Variants in ACVR1 observed in about 807,000 individuals in gnomAD.
The protein encoded by ACVR1 is activin receptor type-1.
ACVR1 carries 38 observed loss-of-function variants against 57.1 expected under a neutral mutation model. That is an observed-to-expected ratio of 0.67 (90% CI 0.51 to 0.87). ACVR1 has a LOEUF of 0.87. Ranked by LOEUF, ACVR1 falls within the 40% of genes least tolerant of loss-of-function variation. The pLI is 0.00. For missense variants in ACVR1, 463 were observed against 638.2 expected (o/e 0.73, Z 2.96); for synonymous variants, 212 against 228.1 (o/e 0.93, Z 0.63).
intron 1 of ACVR1, among the ~76,000 whole-genome samples, chr2:157,824,590 G>GA (rs1688273128): frequency 6.6e-6 from 1 of 152,114 alleles, no homozygotes; most frequent in African/African-American, 2.4e-5. Context: ...TGGTGACTTA[G>GA]AAAAAATCCA....
At chr2:157,787,922 C>T (rs1686772271) in intron 3 of ACVR1, among the ~76,000 whole-genome samples, 1 of 152,168 alleles carries the variant, frequency 6.6e-6, no homozygotes, top group Non-Finnish European at 1.5e-5. Flanking sequence ...GATTCATGGA[C>T]TGGGCCTCCT....
At chr2:157,784,825 C>T (rs1175605250) in intron 3 of ACVR1, among the ~76,000 whole-genome samples, 5 of 152,238 alleles carry the variant, frequency 3.3e-5, no homozygotes, top group African/African-American at 1.2e-4. Context: ...ACACCTCCTC[C>T]GAGTCTAATG....
intron 1 of ACVR1, among the ~76,000 whole-genome samples, chr2:157,835,086 T>C (rs1425619717): frequency 1.3e-5 from 2 of 152,112 alleles, no homozygotes; most frequent in Admixed American, 6.6e-5. Flanking sequence ...AAACAATCCA[T>C]ATAGACTAAA....
chr2:157,789,150 C>A (rs1165075399), intron 3 of ACVR1, among the ~76,000 whole-genome samples: 1 of 152,188 alleles, frequency 6.6e-6, no homozygotes, highest in Non-Finnish European at 1.5e-5. Context: ...AAATTTGAGT[C>A]ATTTTGAGCT....
At chr2:157,829,402 A>G (rs557518798) in intron 1 of ACVR1, among the ~76,000 whole-genome samples, 13 of 152,184 alleles carry the variant, frequency 8.5e-5, no homozygotes, top group African/African-American at 2.4e-4. Flanking sequence ...CAGTGGCCCA[A>G]CTGACTCCTT....
intron 1 of ACVR1, among the ~76,000 whole-genome samples, chr2:157,872,461 A>G (rs1690142073): frequency 6.6e-6 from 1 of 152,212 alleles, no homozygotes; most frequent in African/African-American, 2.4e-5. Flanking sequence ...TGCTAGCTTC[A>G]GCCCAGCCTG....
intron 1 of ACVR1, among the ~76,000 whole-genome samples, chr2:157,848,757 C>T (rs1261939241): frequency 1.3e-5 from 2 of 152,132 alleles, no homozygotes; most frequent in African/African-American, 2.4e-5. Flanking sequence ...TCAACCTAAG[C>T]AGTTTAATAT....
chr2:157,871,203 G>C (rs903726835), intron 1 of ACVR1, among the ~76,000 whole-genome samples: 8 of 152,188 alleles, frequency 5.3e-5, no homozygotes, highest in African/African-American at 1.9e-4. Flanking sequence ...CCCTCAAAGA[G>C]ATCAATCACA....
chr2:157,842,615 G>A lies in ACVR1; in HGVS notation c.-182-24056C>T, dbSNP rs879933107. 3.3e-5 allele frequency among the ~76,000 whole-genome samples: 5 copies of A among 152,106 alleles called. No homozygotes were observed. The East Asian group carries it at 9.6e-4, about 29-fold the overall frequency. On this transcript the variant is annotated intron_variant, in intron 1 of 10. Transcript: ENST00000434821. ...AGTATGAACACACGACCCTGCATAA[G>A]GAACTCTTCAACTCATGAATCAATG...
chr2:157,818,010 A>AC (rs1462121209), intron 2 of ACVR1, among the ~76,000 whole-genome samples: 2 of 151,804 alleles, frequency 1.3e-5, no homozygotes, highest in Non-Finnish European at 2.9e-5. Context: ...TCAAAAAAAA[A>AC]AAAAACAAAA....
chr2:157,796,515 T>C (rs1687130795), intron 3 of ACVR1, among the ~76,000 whole-genome samples: 1 of 151,766 alleles, frequency 6.6e-6, no homozygotes. Flanking sequence ...TATCACACCA[T>C]TGCACCCCAA....
At position 157,855,269 on chromosome 2, in the gene ACVR1, A is replaced by AGT. The variant is rs532193935; in HGVS notation, c.-183+20525_-183+20526dup. ...TCGTCTCTTAAAAAAAAAAAAAAAAAGTGTGTGTGTGTGTGTGTGTGTGTG... is the reference window on the plus strand; with the variant it reads ...TCGTCTCTTAAAAAAAAAAAAAAAAAGTGTGTGTGTGTGTGTGTGTGTGTGTG... On this transcript the variant is annotated intron_variant, in intron 1 of 10. Transcript: ENST00000434821. Among the ~76,000 whole-genome samples the AGT allele has an allele frequency of 8.3e-3, 704 of 85,166 alleles. 6 individuals carry two copies. The highest frequency in any genetic ancestry group is 0.014 in the Admixed American group (97 of 7,044). The allele number at this position is 85,166 out of a possible 152,430, so 55.9% of individuals were successfully genotyped here.
intron 1 of ACVR1, among the ~76,000 whole-genome samples, chr2:157,865,893 G>A (rs1157543290): frequency 6.6e-6 from 1 of 151,746 alleles, no homozygotes; most frequent in East Asian, 1.9e-4. Context: ...CAGGCGTGGG[G>A]ATATATTTCA....
intron 9 of ACVR1, among the ~76,000 whole-genome samples, chr2:157,759,769 G>A (rs1685569461): frequency 6.6e-6 from 1 of 152,114 alleles, no homozygotes; most frequent in African/African-American, 2.4e-5. Flanking sequence ...TTATTCTTGG[G>A]ATGCAAGGAA....
Position 157,770,412 on chromosome 2 carries a change from G to A in ACVR1, c.746C>T (p.Thr249Met), listed in dbSNP as rs760152551. ...SRDEKSWFRETELYNTVMLRH... is the reference protein window; with the variant it reads ...SRDEKSWFREMELYNTVMLRH... Reference sequence around the variant, plus strand: ...CAGCATCACAGTGTTGTACAATTCCGTTTCCCTGAACCATGACTTCTCATC... The same window carrying A: ...CAGCATCACAGTGTTGTACAATTCCATTTCCCTGAACCATGACTTCTCATC... The change falls in exon 7 of 11, where the codon ACG (threonine) becomes ATG (methionine). Residue 249 changes from threonine to methionine, a missense_variant. Physicochemically the swap from Thr to Met is moderately conservative, Grantham distance 81. Coordinates refer to ENST00000434821, the MANE Select transcript of ACVR1 (RefSeq NM_001111067.4). 5.6e-6 allele frequency: 9 copies of A among 1,613,882 alleles called. No individual in the cohort carries two copies. Among genetic ancestry groups the A allele is most frequent in the Non-Finnish European group, 2.5e-6 (3 of 1,179,966 alleles).
chr2:157,838,863 G>A (rs1052416549), intron 1 of ACVR1, among the ~76,000 whole-genome samples: 5 of 152,070 alleles, frequency 3.3e-5, no homozygotes, highest in African/African-American at 1.2e-4. Context: ...ATTGTTTCTA[G>A]GTAAGTAGAA....
intron 1 of ACVR1, among the ~76,000 whole-genome samples, chr2:157,862,140 A>C (rs35674233): frequency 0.027 from 4,151 of 152,302 alleles, 76 homozygotes; most frequent in South Asian, 0.072. Context: ...GATAACTGCT[A>C]AACTTTAGGA....
At chr2:157,829,849 C>T (rs1226480023) in intron 1 of ACVR1, among the ~76,000 whole-genome samples, 1 of 152,126 alleles carries the variant, frequency 6.6e-6, no homozygotes, top group Non-Finnish European at 1.5e-5. Context: ...TTTACTATTT[C>T]CCTGGTGAGT....
intron 3 of ACVR1, among the ~76,000 whole-genome samples, chr2:157,789,685 T>A (rs1686837018): frequency 6.6e-6 from 1 of 152,356 alleles, no homozygotes; most frequent in Middle Eastern, 3.4e-3. Flanking sequence ...AGACAGCTCC[T>A]GACATGCTGG....
Sources: gnomAD v4.1 joint callset for allele counts (sites outside exome capture counted in the v4.1 genomes callset) on GRCh38, gnomAD v4.1.1 for gene constraint, MANE v1.5 for transcripts, NCBI Gene and HGNC (gene_info 2026-07-23, HGNC 2026-07-21) for gene names.